The following TENM1 variants were observed in gnomAD, a reference collection of about 807,000 sequenced individuals.
TENM1 encodes teneurin transmembrane protein 1.
TENM1 carries 35 observed loss-of-function variants against 174.8 expected under a neutral mutation model. The observed-to-expected ratio is 0.20, with a 90% CI of 0.15 to 0.27. TENM1 has a LOEUF of 0.27. Ranked by LOEUF, TENM1 falls within the 10% of genes least tolerant of loss-of-function variation. The probability of loss-of-function intolerance (pLI) is 1.00; values close to 1 mark genes in which losing one functional copy is unlikely to be tolerated. For synonymous variants in TENM1, 781 were observed against 798.7 expected (o/e 0.98, Z 0.37); for missense variants, 1,633 against 2,130.1 (o/e 0.77, Z 4.59).
At chrX:124,507,405 C>T (rs2047475996) in intron 18 of TENM1, among the ~76,000 whole-genome samples, 1 of 111,525 alleles carries the variant, frequency 9.0e-6, no homozygotes, top group Admixed American at 9.5e-5. Flanking sequence ...TAACGGAATG[C>T]TCCTTAACCA....
At chrX:125,112,017 CT>C in the TENM1 span, among the ~76,000 whole-genome samples, 31 of 110,796 alleles carry the variant, frequency 2.8e-4, no homozygotes, top group Non-Finnish European at 4.3e-4. Flanking sequence ...TTCTTTACCC[CT>C]ATTATGCAAT....
intron 22 of TENM1, among the ~76,000 whole-genome samples, chrX:124,475,740 A>G (rs768059488): frequency 1.3e-4 from 14 of 111,119 alleles, no homozygotes; most frequent in East Asian, 2.8e-4. Context: ...TCCATTGCCA[A>G]TCTTATACAG....
the TENM1 span, among the ~76,000 whole-genome samples, chrX:125,078,198 A>G: frequency 8.9e-6 from 1 of 112,013 alleles, no homozygotes; most frequent in Non-Finnish European, 1.9e-5. Flanking sequence ...CTTTAGATTT[A>G]GATTCACAGT....
chrX:125,187,598 C>A, the TENM1 span, among the ~76,000 whole-genome samples: 1 of 111,792 alleles, frequency 8.9e-6, no homozygotes, highest in East Asian at 2.8e-4. Context: ...ATGATCACTT[C>A]ATATAATTTC....
chrX:124,775,303 CAAAAAA>C (rs35934307), intron 3 of TENM1, among the ~76,000 whole-genome samples: 5 of 50,301 alleles, frequency 9.9e-5, no homozygotes, highest in Non-Finnish European at 1.6e-4. Context: ...AAGACTCCGT[CAAAAAA>C]AAAAAAAAAA....
intron 3 of TENM1, among the ~76,000 whole-genome samples, chrX:124,845,998 G>A (rs755910455): frequency 2.7e-5 from 3 of 110,591 alleles, no homozygotes; most frequent in South Asian, 3.9e-4. Flanking sequence ...CAGAGGGGAG[G>A]CTACTATGGA....
chrX:125,111,108 T>C, the TENM1 span, among the ~76,000 whole-genome samples: 3 of 112,403 alleles, frequency 2.7e-5, no homozygotes, highest in Non-Finnish European at 5.6e-5. Flanking sequence ...AACATGATAA[T>C]ATATTTAACA....
the TENM1 span, among the ~76,000 whole-genome samples, chrX:125,039,154 C>T: frequency 1.3e-4 from 14 of 111,561 alleles, no homozygotes; most frequent in African/African-American, 4.2e-4. Context: ...CAAATAGCAC[C>T]CATTATCTTG....
chrX:124,980,365 C>T, the TENM1 span, among the ~76,000 whole-genome samples: 1 of 111,061 alleles, frequency 9.0e-6, no homozygotes, highest in African/African-American at 3.3e-5. Flanking sequence ...TGCTCTTTAA[C>T]ATATAATGGG....
At chrX:124,737,617 C>T (rs772565135) in intron 3 of TENM1, among the ~76,000 whole-genome samples, 50 of 111,688 alleles carry the variant, frequency 4.5e-4, no homozygotes, top group African/African-American at 1.4e-3. Flanking sequence ...GAAAATCATT[C>T]GGCACTTCAA....
chrX:124,491,398 C>T (rs1234988655), intron 20 of TENM1, among the ~76,000 whole-genome samples: 1 of 111,543 alleles, frequency 9.0e-6, no homozygotes, highest in Non-Finnish European at 1.9e-5. Context: ...TGGAGCAAAT[C>T]CCTAGTGAAA....
At chrX:124,674,303 C>CAAAAAAAA (rs745969451) in intron 5 of TENM1, among the ~76,000 whole-genome samples, 1 of 16,621 alleles carries the variant, frequency 6.0e-5, no homozygotes, top group Non-Finnish European at 1.2e-4. Flanking sequence ...TATCAAAAGG[C>CAAAAAAAA]AAAAAAAAAA....
At chrX:124,745,698 A>C (rs754393664) in intron 3 of TENM1, among the ~76,000 whole-genome samples, 1 of 111,027 alleles carries the variant, frequency 9.0e-6, no homozygotes, top group African/African-American at 3.3e-5. Flanking sequence ...TTGTAAAGTG[A>C]TTCTACTCAT....
intron 3 of TENM1, among the ~76,000 whole-genome samples, chrX:124,823,234 G>A (rs1359316458): frequency 8.9e-6 from 1 of 111,837 alleles, no homozygotes; most frequent in Non-Finnish European, 1.9e-5. Context: ...AATAGGCATT[G>A]GTAAAAACGG....
intron 5 of TENM1, among the ~76,000 whole-genome samples, chrX:124,672,465 A>T (rs947414471): frequency 9.0e-6 from 1 of 111,521 alleles, no homozygotes; most frequent in Non-Finnish European, 1.9e-5. Flanking sequence ...GTGCAGGAAG[A>T]TGGGCACTCT....
chrX:124,613,534 A>G (rs1232800993), intron 11 of TENM1, among the ~76,000 whole-genome samples: 1 of 111,870 alleles, frequency 8.9e-6, no homozygotes, highest in Non-Finnish European at 1.9e-5. Context: ...GGGAGATCCA[A>G]CTATCATATG....
intron 3 of TENM1, among the ~76,000 whole-genome samples, chrX:124,890,844 A>G (rs1282210891): frequency 6.3e-5 from 7 of 111,881 alleles, no homozygotes; most frequent in African/African-American, 1.3e-4. Flanking sequence ...CATGCAAAAG[A>G]AAGGAAACAT....
At chrX:124,615,158 T>C (rs2050370701) in intron 11 of TENM1, among the ~76,000 whole-genome samples, 1 of 112,549 alleles carries the variant, frequency 8.9e-6, no homozygotes, top group Non-Finnish European at 1.9e-5. Flanking sequence ...TAACCTTGGA[T>C]GTAGAATGAC....
intron 22 of TENM1, among the ~76,000 whole-genome samples, chrX:124,462,111 C>T (rs1431592074): frequency 9.9e-6 from 1 of 100,941 alleles, no homozygotes; most frequent in East Asian, 2.8e-4. Flanking sequence ...AGTTAGATTA[C>T]GTTTCTCAGC....
Sources: gnomAD v4.1 joint callset for allele counts (sites outside exome capture counted in the v4.1 genomes callset) on GRCh38, gnomAD v4.1.1 for gene constraint, MANE v1.5 for transcripts, NCBI Gene and HGNC (gene_info 2026-07-23, HGNC 2026-07-21) for gene names.